CCDC88C: variants seen among roughly 807,000 people sequenced by gnomAD.
CCDC88C encodes the protein protein Daple.
A neutral mutation model predicts 198.8 loss-of-function variants in CCDC88C; 131 were observed. The observed-to-expected ratio is 0.66, with a 90% CI of 0.57 to 0.76. The LOEUF is 0.76. CCDC88C is among the 30% of genes least tolerant of loss of function. The pLI, the probability that CCDC88C is intolerant of heterozygous loss-of-function variation, is 0.00. For missense variants in CCDC88C, 2,553 were observed against 2,631.6 expected, an observed-to-expected ratio of 0.97 and a Z score of 0.65; for synonymous variants, 1,166 against 1,114.7, an observed-to-expected ratio of 1.05 and a Z score of -0.92.
At chr14:91,324,337 GAA>G (rs549938917) in intron 12 of CCDC88C, among the ~76,000 whole-genome samples, 161 of 152,362 alleles carry the variant, frequency 1.1e-3, no homozygotes, top group Middle Eastern at 6.8e-3. Context: ...CCAGGAGAGA[GAA>G]AACAGGCTGC....
At chr14:91,298,364 C>T (rs914411672) in intron 21 of CCDC88C, among the ~76,000 whole-genome samples, 1 of 151,712 alleles carries the variant, frequency 6.6e-6, no homozygotes, top group East Asian at 1.9e-4. Flanking sequence ...CAGAGCAAGA[C>T]TCCGTCTCAA....
intron 3 of CCDC88C, among the ~76,000 whole-genome samples, chr14:91,368,305 G>A (rs1207428096): frequency 1.3e-5 from 2 of 152,140 alleles, no homozygotes; most frequent in African/African-American, 4.8e-5. Flanking sequence ...ACAGCCTGTA[G>A]CTGTTAACAA....
chr14:91,361,904 G>A (rs986157381), intron 3 of CCDC88C, among the ~76,000 whole-genome samples: 2 of 152,110 alleles, frequency 1.3e-5, no homozygotes, highest in African/African-American at 2.4e-5. Flanking sequence ...CCAATGACAT[G>A]AGCCTGTCCG....
intron 3 of CCDC88C, among the ~76,000 whole-genome samples, chr14:91,405,096 G>A (rs6575192): frequency 0.13 from 19,450 of 152,170 alleles, 1,326 homozygotes; most frequent in Middle Eastern, 0.2. Context: ...AGCCACACTG[G>A]TTTCCACCCA....
Position 91,313,522 on chromosome 14 carries a change from C to T in CCDC88C, c.2294G>A (p.Ser765Asn), listed in dbSNP as rs1891939144. 2.5e-6 allele frequency: 4 copies of T among 1,609,418 alleles called. No homozygotes were observed. In the Admixed American group the frequency reaches 5.0e-5, roughly 20 times the overall value. Reference sequence around the variant, plus strand: ...CTGCTGCAGCCGGAGGTTCTCAGCGCTCACGCTCTGGTAGCTGAGCTCCAG... The same window carrying T: ...CTGCTGCAGCCGGAGGTTCTCAGCGTTCACGCTCTGGTAGCTGAGCTCCAG... ...ERLELSYQSV[S>N]AENLRLQQSL... Residue 765 changes from serine to asparagine, a missense_variant, in exon 15 of 30, where the codon AGC becomes AAC. Physicochemically the swap from Ser to Asn is conservative, Grantham distance 46. Around this residue, in one of 2 missense-constraint regions of CCDC88C, gnomAD observed 1,260 missense variants for 1,412.0 expected, o/e 0.89. Transcript: ENST00000389857. The surrounding 1 kb of genome is among the most constrained non-coding windows in gnomAD (Gnocchi z 5.2).
rs755269568 is a variant in CCDC88C at position 91,313,769 on chromosome 14, C to T, written c.2047G>A (p.Asp683Asn). Residue 683 changes from aspartate to asparagine, a missense_variant, in exon 15 of 30, where the codon GAC (aspartate) becomes AAC (asparagine). By Grantham distance (23) the Asp-to-Asn change is conservative. Coordinates refer to ENST00000389857, the MANE Select transcript of CCDC88C (RefSeq NM_001080414.4). This position sits in a 1 kb window ranked among gnomAD's most constrained non-coding sequence, Gnocchi z 5.2. ...TGCAGGGACACGTTCTGCAAGGTGT[C>T]CAGAGACTTCCTCAGAGTCCGGTTC... Reference protein sequence around the residue: ...LENRTLRKSLDTLQNVSLQLE... With the variant: ...LENRTLRKSLNTLQNVSLQLE... 1.9e-6 allele frequency: 3 copies of T among 1,607,566 alleles called. No homozygotes were observed. The highest frequency in any genetic ancestry group is 2.5e-6 in the Non-Finnish European group (3 of 1,179,618).
At position 91,340,020 on chromosome 14, in the gene CCDC88C, G is replaced by A. The variant is rs1321477277; in HGVS notation, c.488C>T (p.Thr163Ile). ...AGIVAHIQEVTHNQENVFDLQ... is the reference protein window; with the variant it reads ...AGIVAHIQEVIHNQENVFDLQ... ...GTCAAACACGTTCTCTTGGTTGTGA[G>A]TCACCTGTGGGCACACATGGCAGGG... The change falls in exon 7 of 30, where the codon ACT (threonine) becomes ATT (isoleucine). Residue 163 changes from threonine (T) to isoleucine (I), a missense_variant. Thr to Ile is a moderately conservative substitution (Grantham distance 89, BLOSUM62 -1). This residue lies in a region of CCDC88C where 1,260 missense variants were observed against 1,412.0 expected (regional missense o/e 0.89). Transcript: ENST00000389857. The A allele has an allele frequency of 6.2e-7, 1 of 1,609,388 alleles. No individual in the cohort carries two copies. Among genetic ancestry groups the A allele is most frequent in the East Asian group, 2.2e-5 (1 of 44,786 alleles).
At chr14:91,403,301 C>A (rs145734779) in intron 3 of CCDC88C, among the ~76,000 whole-genome samples, 1 of 152,226 alleles carries the variant, frequency 6.6e-6, no homozygotes, top group African/African-American at 2.4e-5. Flanking sequence ...CAAAGACATA[C>A]GTCTCCAACA....
chr14:91,313,024 G>C lies in CCDC88C; in HGVS notation c.2736+56C>G. ...TTCTCTCCTGAAACCATGCACCACA[G>C]AACCCACTACCACCATCTGCCAATC... On this transcript the variant is annotated intron_variant, in intron 15 of 29. Transcript: ENST00000389857. The surrounding 1 kb of genome is among the most constrained non-coding windows in gnomAD (Gnocchi z 5.2). 5.2e-6 allele frequency: 7 copies of C among 1,350,924 alleles called. No individual in the cohort carries two copies. In the South Asian group the frequency reaches 9.7e-5, roughly 19 times the overall value. 83.7% of individuals were successfully genotyped at this position (1,350,924 alleles called of 1,614,324 possible).
At chr14:91,289,419 G>T in intron 24 of CCDC88C, 76 bp from the exon 25 acceptor site, 1 of 1,290,140 alleles carries the variant, frequency 7.8e-7, no homozygotes, top group Non-Finnish European at 1.1e-6. Flanking sequence ...CCCTAACATG[G>T]GCTGGGATGT....
intron 10 of CCDC88C, among the ~76,000 whole-genome samples, chr14:91,332,852 T>G (rs1026580915): frequency 6.6e-6 from 1 of 152,134 alleles, no homozygotes. Context: ...CCAGGCTCTG[T>G]GTACAAGCAG....
intron 13 of CCDC88C, 96 bp downstream of exon 13, chr14:91,321,024 C>T: frequency 8.4e-7 from 1 of 1,196,250 alleles, no homozygotes; most frequent in South Asian, 1.6e-5. Flanking sequence ...CTCTACCTGG[C>T]CCCCTCCTTG....
intron 27 of CCDC88C, among the ~76,000 whole-genome samples, chr14:91,280,871 C>A (rs903374997): frequency 6.6e-6 from 1 of 152,168 alleles, no homozygotes; most frequent in Non-Finnish European, 1.5e-5. Flanking sequence ...CCTACACTTA[C>A]CGAGCCTTTC....
intron 2 of CCDC88C, among the ~76,000 whole-genome samples, chr14:91,415,376 TA>T (rs11306458): frequency 0.54 from 79,953 of 148,226 alleles, 22,076 homozygotes; most frequent in East Asian, 0.88. Context: ...CTGTGAACTT[TA>T]AAAAAAAAAA....
chr14:91,349,545 TC>T (rs1230427499), intron 4 of CCDC88C, among the ~76,000 whole-genome samples: 1 of 152,164 alleles, frequency 6.6e-6, no homozygotes, highest in Admixed American at 6.5e-5. Flanking sequence ...CGGGCGGGGA[TC>T]GAGAAACATC....
chr14:91,377,247 C>T (rs940454062), intron 3 of CCDC88C, among the ~76,000 whole-genome samples: 7 of 152,184 alleles, frequency 4.6e-5, no homozygotes, highest in Non-Finnish European at 1.0e-4. Context: ...GCCCTTCCAC[C>T]CATTCCTGTG....
Position 91,339,040 on chromosome 14 carries a change from C to T in CCDC88C, c.809+238G>A, listed in dbSNP as rs905597330. 2 of 604,002 alleles carry T rather than the reference C, an allele frequency of 3.3e-6. No homozygotes were observed. The highest frequency in any genetic ancestry group is 1.8e-5 in the South Asian group (1 of 54,748). The allele number at this position is 604,002 out of a possible 1,614,324, so 37.4% of individuals were successfully genotyped here. On this transcript the variant is annotated intron_variant, in intron 8 of 29. Transcript: ENST00000389857. This position sits in a 1 kb window ranked among gnomAD's most constrained non-coding sequence, Gnocchi z 5.8. ...GGCTGCTTCTGTGGACAACTTGCAC[C>T]GTCTGGACGGGAGGAAACCCTGAAG...
intron 14 of CCDC88C, among the ~76,000 whole-genome samples, chr14:91,315,141 T>C (rs1290020868): frequency 6.6e-6 from 1 of 152,058 alleles, no homozygotes; most frequent in Non-Finnish European, 1.5e-5. Flanking sequence ...CTCCTGCTTG[T>C]ACCTTAGGGA....
At chr14:91,282,007 T>C (rs1011590138) in intron 26 of CCDC88C, among the ~76,000 whole-genome samples, 5 of 152,208 alleles carry the variant, frequency 3.3e-5, no homozygotes, top group Admixed American at 6.5e-5. Context: ...TAACAGCTCC[T>C]GACCAGAAAC....
Sources: allele counts gnomAD v4.1 joint callset (sites outside exome capture counted in the v4.1 genomes callset), GRCh38; gene constraint gnomAD v4.1.1; regional missense constraint gnomAD v4.1.1; non-coding constraint Gnocchi (gnomAD v3.1); transcripts MANE v1.5; gene names NCBI Gene and HGNC (gene_info 2026-07-23, HGNC 2026-07-21).